Variants in KDM5A observed in about 807,000 individuals in gnomAD.
KDM5A encodes the protein lysine demethylase 5A.
In KDM5A, 42 loss-of-function variants were observed where a neutral mutation model predicts 193.5. That is an observed-to-expected ratio of 0.22 (90% confidence interval 0.17 to 0.28). KDM5A has a LOEUF of 0.28. KDM5A is among the 10% of genes least tolerant of loss of function. The pLI is 1.00. For synonymous variants in KDM5A, 796 were observed against 718.1 expected, an observed-to-expected ratio of 1.11 and a Z score of -1.73; for missense variants, 1,692 against 2,055.1, an observed-to-expected ratio of 0.82 and a Z score of 3.42.
chr12:283,243 C>A lies in KDM5A; in HGVS notation c.*2213G>T, dbSNP rs924675721. ...GACTGTTACAAAGAAGATCAACAGG[C>A]AAAAAATATTGTGCTTTCTTGTATA... On this transcript the variant is annotated 3_prime_UTR_variant, in exon 28 of 28. Transcript: ENST00000399788. The A allele has an allele frequency of 1.7e-5, 4 of 231,356 alleles. No homozygotes were observed. Among genetic ancestry groups the A allele is most frequent in the African/African-American group, 8.8e-5 (4 of 45,212 alleles). The allele number at this position is 231,356 out of a possible 1,614,324, so 14.3% of individuals were successfully genotyped here.
rs1565542593 is a variant in KDM5A at position 350,688 on chromosome 12, G to A, written c.1241C>T (p.Ser414Phe). 6.2e-7 allele frequency: 1 copy of A among 1,613,936 alleles called. No individual in the cohort carries two copies. Among genetic ancestry groups the A allele is most frequent in the Non-Finnish European group, 8.5e-7 (1 of 1,179,922 alleles). ...AAATCCACTTCCAAAGTCTTTTGAGGAGATATCTGCTCCATATTCCACAAT... is the reference window on the plus strand; with the variant it reads ...AAATCCACTTCCAAAGTCTTTTGAGAAGATATCTGCTCCATATTCCACAAT... ...DVIVEYGADI[S>F]SKDFGSGFPV... The change falls in exon 10 of 28, where the codon TCC becomes TTC. Residue 414 changes from serine (S) to phenylalanine (F), a missense_variant. By Grantham distance (155) the Ser-to-Phe change is radical. Transcript: ENST00000399788.
chr12:379,368 C>A lies in KDM5A; in HGVS notation c.366+4663G>T, dbSNP rs574455833. 2.0e-5 allele frequency among the ~76,000 whole-genome samples: 3 copies of A among 152,248 alleles called. No individual in the cohort carries two copies. The South Asian group carries it at 6.2e-4, about 32-fold the overall frequency. On this transcript the variant is annotated intron_variant, in intron 3 of 27. Coordinates refer to ENST00000399788, the MANE Select transcript of KDM5A (RefSeq NM_001042603.3). Reference sequence around the variant, plus strand: ...CAATGATAAAGGTCAGAATAAATTACCTTTGTGAAGAAGTATTGACTGGAA... The same window carrying A: ...CAATGATAAAGGTCAGAATAAATTAACTTTGTGAAGAAGTATTGACTGGAA...
intron 26 of KDM5A, among the ~76,000 whole-genome samples, chr12:295,206 A>C (rs892848304): frequency 3.9e-5 from 6 of 151,976 alleles, no homozygotes; most frequent in African/African-American, 1.5e-4. Flanking sequence ...AGAAAGCCAT[A>C]AATCAAATCT....
At chr12:384,351 G>A (rs545855516) in intron 2 of KDM5A, among the ~76,000 whole-genome samples, 198 bp from the exon 3 acceptor site, 45 of 152,276 alleles carry the variant, frequency 3.0e-4, no homozygotes, top group Non-Finnish European at 5.6e-4. Flanking sequence ...TGTGAACTGC[G>A]TGTGAGGGAT....
chr12:330,085 G>GTGTGTGTATATATATA (rs377271333), intron 13 of KDM5A, among the ~76,000 whole-genome samples: 9 of 139,372 alleles, frequency 6.5e-5, no homozygotes, highest in East Asian at 2.2e-4. Context: ...GTGTGTGTGT[G>GTGTGTGTATATATATA]TATATATATA....
chr12:335,946 G>A (rs981261202), intron 10 of KDM5A, among the ~76,000 whole-genome samples: 11 of 150,954 alleles, frequency 7.3e-5, no homozygotes, highest in Non-Finnish European at 1.6e-4. Context: ...GGGAGGCTGA[G>A]GCAGGAGAAT....
In KDM5A at chr12:282,688, A is replaced by G. The variant is rs953675766; in HGVS notation, c.*2768T>C. ...CTATAACCTTTGCCAGAGTTAAAATACTAATGATGAAGAATTGCAACTTCA... is the reference window on the plus strand; with the variant it reads ...CTATAACCTTTGCCAGAGTTAAAATGCTAATGATGAAGAATTGCAACTTCA... On this transcript the variant is annotated 3_prime_UTR_variant, in exon 28 of 28. Transcript: ENST00000399788. The G allele has an allele frequency of 8.6e-6, 2 of 232,928 alleles. No homozygotes were observed. The highest frequency in any genetic ancestry group is 2.2e-5 in the African/African-American group (1 of 45,352). 14.4% of individuals were successfully genotyped at this position (232,928 alleles called of 1,614,324 possible). A position where few individuals can be genotyped will look rare whatever the true frequency, so the allele number is the denominator to read the frequency against.
intron 13 of KDM5A, among the ~76,000 whole-genome samples, chr12:330,616 T>C (rs1183442806): frequency 6.6e-6 from 1 of 152,198 alleles, no homozygotes; most frequent in Non-Finnish European, 1.5e-5. Flanking sequence ...ACTCAATAAA[T>C]GCTGATTGAA....
At chr12:334,762 T>C (rs535319216) in intron 10 of KDM5A, among the ~76,000 whole-genome samples, 9 of 152,108 alleles carry the variant, frequency 5.9e-5, no homozygotes, top group African/African-American at 2.2e-4. Flanking sequence ...GTAGCATAAT[T>C]TCCTAAAATG....
chr12:366,949 C>T (rs141009526), intron 3 of KDM5A, among the ~76,000 whole-genome samples: 6 of 152,274 alleles, frequency 3.9e-5, no homozygotes, highest in African/African-American at 1.4e-4. Context: ...CAAATACTTA[C>T]CATTGTGTTA....
At chr12:300,628 A>C (rs1943429993) in intron 24 of KDM5A, among the ~76,000 whole-genome samples, 1 of 152,216 alleles carries the variant, frequency 6.6e-6, no homozygotes, top group Non-Finnish European at 1.5e-5. Context: ...GAACCAGAGA[A>C]GCAAGAGCAA....
At chr12:387,754 G>A (rs1208506014) in intron 1 of KDM5A, among the ~76,000 whole-genome samples, 2 of 152,060 alleles carry the variant, frequency 1.3e-5, no homozygotes, top group Non-Finnish European at 2.9e-5. Flanking sequence ...ACCTGTCAGG[G>A]CTTCAAAGAT....
At chr12:344,214 G>A (rs1404707159) in intron 10 of KDM5A, among the ~76,000 whole-genome samples, 2 of 152,092 alleles carry the variant, frequency 1.3e-5, no homozygotes, top group East Asian at 3.8e-4. Context: ...CAAGGTTAGA[G>A]AAAAAAGAGT....
At chr12:293,390 G>A (rs1481153971) in intron 26 of KDM5A, among the ~76,000 whole-genome samples, 1 of 152,144 alleles carries the variant, frequency 6.6e-6, no homozygotes, top group African/African-American at 2.4e-5. Context: ...GGTGACAGTT[G>A]CGTAACACTG....
At chr12:308,692 A>G (rs1209549568) in intron 22 of KDM5A, among the ~76,000 whole-genome samples, 5 of 152,246 alleles carry the variant, frequency 3.3e-5, no homozygotes, top group African/African-American at 1.2e-4. Context: ...CAATTTTGAA[A>G]TAATTTCCAG....
intron 6 of KDM5A, 71 bp from the exon 7 acceptor site, chr12:355,320 TA>T: frequency 1.2e-6 from 1 of 830,378 alleles, no homozygotes; most frequent in Non-Finnish European, 2.1e-6. Flanking sequence ...AGACACTATT[TA>T]AAATTATTTA....
At chr12:366,866 C>A (rs576700345) in intron 3 of KDM5A, among the ~76,000 whole-genome samples, 1 of 152,248 alleles carries the variant, frequency 6.6e-6, no homozygotes, top group African/African-American at 2.4e-5. Context: ...AAATATAGAC[C>A]GCATATATGA....
rs1482404970 is a variant in KDM5A, at chr12:310,874, A to G, written c.3216+11T>C. ...TATCAGCTGCTTATGAGAGTGTTGA[A>G]GTTCAAGTACCTGTAACAATGTATG... On this transcript the variant is annotated intron_variant, in intron 21 of 27. Transcript: ENST00000399788. 1 of 1,613,906 alleles carries G rather than the reference A, an allele frequency of 6.2e-7. No homozygotes were observed. The highest frequency in any genetic ancestry group is 8.5e-7 in the Non-Finnish European group (1 of 1,179,752).
At position 356,294 on chromosome 12, in the gene KDM5A, C is replaced by T. The variant is rs1049626160; in HGVS notation, c.778+138G>A. On this transcript the variant is annotated intron_variant, in intron 6 of 27. Transcript: ENST00000399788. ...TTAAGAGATCTGGCATTAAAAAAGG[C>T]GATTTGCCTAGGAACCACATTGCGA... is the stretch of plus-strand genomic sequence containing the variant. 44 of 664,348 alleles carry T rather than the reference C, an allele frequency of 6.6e-5. 3 individuals carry two copies. Among genetic ancestry groups the T allele is most frequent in the Non-Finnish European group, 1.9e-5 (7 of 371,286 alleles). 41.2% of individuals were successfully genotyped at this position (664,348 alleles called of 1,614,324 possible).
Sources: allele counts gnomAD v4.1 joint callset (sites outside exome capture counted in the v4.1 genomes callset), GRCh38; gene constraint gnomAD v4.1.1; transcripts MANE v1.5; gene names NCBI Gene and HGNC (gene_info 2026-07-23, HGNC 2026-07-21).